The following SEMA3A variants were observed in gnomAD, a reference collection of about 807,000 sequenced individuals.
SEMA3A encodes the protein semaphorin 3A.
SEMA3A carries 29 observed loss-of-function variants against 97.9 expected under a neutral mutation model. The ratio of observed to expected loss-of-function variants is 0.30; its 90% CI spans 0.22 to 0.40. The LOEUF is 0.40. Among genes scored for constraint, SEMA3A ranks in the 10% least tolerant of loss-of-function variants. The pLI, the probability that SEMA3A is intolerant of heterozygous loss-of-function variation, is 1.00. For synonymous variants in SEMA3A, 321 were observed against 323.7 expected (o/e 0.99, Z 0.09); for missense variants, 763 against 951.3 (o/e 0.80, Z 2.60).
chr7:84,266,280 C>T (rs543277214), intron 3 of SEMA3A, among the ~76,000 whole-genome samples: 1 of 141,594 alleles, frequency 7.1e-6, no homozygotes, highest in South Asian at 2.2e-4. Flanking sequence ...AAGATCATGC[C>T]ACTGCACTCT....
intron 1 of SEMA3A, among the ~76,000 whole-genome samples, chr7:84,445,511 A>G (rs1412409386): frequency 1.4e-5 from 2 of 145,632 alleles, no homozygotes; most frequent in African/African-American, 2.5e-5. Context: ...AAAAAAAAAA[A>G]AAAAAAAAAG....
intron 3 of SEMA3A, among the ~76,000 whole-genome samples, chr7:84,128,419 G>C (rs565824839): frequency 1.3e-5 from 2 of 152,070 alleles, no homozygotes; most frequent in African/African-American, 2.4e-5. Flanking sequence ...AAGAATTCAA[G>C]GGGAATTAAC....
intron 2 of SEMA3A, among the ~76,000 whole-genome samples, chr7:84,370,396 A>G (rs1254987000): frequency 6.6e-6 from 1 of 151,702 alleles, no homozygotes; most frequent in Admixed American, 6.6e-5. Flanking sequence ...TTTTAGCATA[A>G]GTTTCCTTCC....
At chr7:84,020,242 A>G (rs1031566616) in intron 6 of SEMA3A, among the ~76,000 whole-genome samples, 3 of 150,836 alleles carry the variant, frequency 2.0e-5, no homozygotes, top group Non-Finnish European at 4.4e-5. Context: ...ATAGGGTTTC[A>G]CCATATTGAC....
chr7:83,978,136 T>C (rs1356544625), intron 14 of SEMA3A, among the ~76,000 whole-genome samples: 2 of 152,170 alleles, frequency 1.3e-5, no homozygotes, highest in Non-Finnish European at 1.5e-5. Flanking sequence ...CAGTTTATTT[T>C]ATGATCATAT....
intron 1 of SEMA3A, among the ~76,000 whole-genome samples, chr7:84,387,179 A>G (rs1160476138): frequency 6.6e-6 from 1 of 152,134 alleles, no homozygotes; most frequent in Non-Finnish European, 1.5e-5. Context: ...CTTCTTTTAC[A>G]TAAATATTAT....
intron 2 of SEMA3A, among the ~76,000 whole-genome samples, chr7:84,330,959 T>C (rs538122512): frequency 8.1e-4 from 123 of 152,222 alleles, no homozygotes; most frequent in African/African-American, 2.9e-3. Context: ...AATGATTCCA[T>C]GCCATGGAAA....
At chr7:84,077,256 G>T (rs1230817771) in intron 4 of SEMA3A, among the ~76,000 whole-genome samples, 1 of 152,028 alleles carries the variant, frequency 6.6e-6, no homozygotes. Context: ...TGCATTTTAA[G>T]TCTTCTATAT....
intron 1 of SEMA3A, among the ~76,000 whole-genome samples, chr7:84,429,547 T>TATATATATATATATATATATATATAG (rs1443588588): frequency 1.7e-5 from 2 of 115,950 alleles, no homozygotes; most frequent in Non-Finnish European, 3.5e-5. Flanking sequence ...TATATATATA[T>TATATATATATATATATATATATATAG]AGCGAGAGAG....
intron 4 of SEMA3A, among the ~76,000 whole-genome samples, chr7:84,075,892 C>T (rs1793929498): frequency 6.6e-6 from 1 of 152,096 alleles, no homozygotes; most frequent in Admixed American, 6.6e-5. Flanking sequence ...CTTTAAGGTG[C>T]ATGTAGTAAA....
At chr7:84,007,751 A>G (rs974338121) in intron 9 of SEMA3A, among the ~76,000 whole-genome samples, 5 of 152,208 alleles carry the variant, frequency 3.3e-5, no homozygotes, top group Admixed American at 6.5e-5. Context: ...ACGCCTTCAT[A>G]TGAAACATAG....
chr7:84,231,902 G>A (rs558943624), intron 3 of SEMA3A, among the ~76,000 whole-genome samples: 1 of 151,982 alleles, frequency 6.6e-6, no homozygotes, highest in East Asian at 1.9e-4. Flanking sequence ...CCCCAGAGAG[G>A]ATACATGGAA....
intron 4 of SEMA3A, among the ~76,000 whole-genome samples, chr7:84,105,068 C>G (rs1400175633): frequency 6.6e-6 from 1 of 152,082 alleles, no homozygotes; most frequent in African/African-American, 2.4e-5. Flanking sequence ...CTCGACTTTT[C>G]TCACTGAGGC....
intron 6 of SEMA3A, among the ~76,000 whole-genome samples, chr7:84,036,693 A>C (rs1175841129): frequency 6.6e-6 from 1 of 152,158 alleles, no homozygotes; most frequent in African/African-American, 2.4e-5. Flanking sequence ...ATCTCTGTAG[A>C]AAAATACCTA....
At chr7:84,409,827 A>G (rs1804210407) in intron 1 of SEMA3A, among the ~76,000 whole-genome samples, 1 of 152,148 alleles carries the variant, frequency 6.6e-6, no homozygotes, top group Non-Finnish European at 1.5e-5. Context: ...ATTAATTTAG[A>G]AAGAAGTTAT....
upstream of SEMA3A, among the ~76,000 whole-genome samples, chr7:84,198,025 C>T (rs1162350315): frequency 5.3e-5 from 8 of 152,030 alleles, no homozygotes; most frequent in African/African-American, 1.7e-4. Context: ...CAGGCGTGAG[C>T]CCCCGAGCCC....
At chr7:84,131,942 A>C (rs376440578) in intron 2 of SEMA3A, among the ~76,000 whole-genome samples, 39 of 152,234 alleles carry the variant, frequency 2.6e-4, no homozygotes, top group East Asian at 9.7e-4. Context: ...GGCATGTGCC[A>C]CCATGCCCAG....
rs185468047 is a variant in SEMA3A at position 84,204,384 on chromosome 7, T to C, written c.-82-9716A>G. Among the ~76,000 whole-genome samples the C allele has an allele frequency of 1.8e-3, 279 of 152,328 alleles. 2 individuals carry two copies. The highest frequency in any genetic ancestry group is 2.2e-3 in the Non-Finnish European group (149 of 68,034). The stretch of plus-strand genomic sequence containing the variant: ...GGCTGTCAAATGGGATATATTTTTT[T>C]ATTGCCAAATACAAGGACATCGAGG... On this transcript the variant is annotated intron_variant, in intron 3 of 3. Transcript: ENST00000424555.
At chr7:84,300,030 CA>C (rs1800969425) in intron 3 of SEMA3A, among the ~76,000 whole-genome samples, 1 of 48,112 alleles carries the variant, frequency 2.1e-5, no homozygotes, top group Non-Finnish European at 3.8e-5. Context: ...GAGACTCAGT[CA>C]CAAAAAAAAA....
Sources: allele counts gnomAD v4.1 joint callset (sites outside exome capture counted in the v4.1 genomes callset), GRCh38; gene constraint gnomAD v4.1.1; transcripts MANE v1.5; gene names NCBI Gene and HGNC (gene_info 2026-07-23, HGNC 2026-07-21).